UROD: variants seen among roughly 807,000 people sequenced by gnomAD.
UROD encodes the protein uroporphyrinogen III decarboxylase.
UROD carries 34 observed loss-of-function variants against 47.1 expected under a neutral mutation model. The ratio of observed to expected loss-of-function variants is 0.72; its 90% CI spans 0.55 to 0.96. UROD has a LOEUF of 0.96. Ranked by LOEUF, UROD falls within the 40% of genes least tolerant of loss-of-function variation. The pLI is 0.00. For synonymous variants in UROD, 148 were observed against 175.8 expected, an observed-to-expected ratio of 0.84 and a Z score of 1.25; for missense variants, 381 against 471.8, an observed-to-expected ratio of 0.81 and a Z score of 1.78.
Position 45,013,733 on chromosome 1 carries a change from C to A in UROD, c.416C>A (p.Thr139Asn). The A allele has an allele frequency of 6.2e-6, 10 of 1,614,144 alleles. No individual in the cohort carries two copies. The highest frequency in any genetic ancestry group is 8.5e-6 in the Non-Finnish European group (10 of 1,180,014). The change falls in exon 5 of 10, where the codon ACC becomes AAC. Residue 139 changes from threonine (T) to asparagine (N), a missense_variant. Physicochemically the swap from Thr to Asn is moderately conservative, Grantham distance 65. Coordinates refer to ENST00000246337, the MANE Select transcript of UROD (RefSeq NM_000374.5). The surrounding 1 kb of genome is among the most constrained non-coding windows in gnomAD (Gnocchi z 4.2). ...SELGYVFQAI[T>N]LTRQRLAGRV... ...CTAGGCTATGTGTTCCAAGCCATCA[C>A]CCTTACCCGACAACGACTGGCTGGA...
Position 45,013,119 on chromosome 1 carries a change from C to A in UROD, c.134-17C>A. The A allele has an allele frequency of 6.2e-7, 1 of 1,614,176 alleles. No individual in the cohort carries two copies. Among genetic ancestry groups the A allele is most frequent in the East Asian group, 2.2e-5 (1 of 44,880 alleles). Reference sequence around the variant, plus strand: ...GGAGGGCCTCAAGGCTGAGCCCTGTCTTCCCTCTGTATGCAGAGTTTAGGG... The same window carrying A: ...GGAGGGCCTCAAGGCTGAGCCCTGTATTCCCTCTGTATGCAGAGTTTAGGG... On this transcript the variant is annotated splice_polypyrimidine_tract_variant and intron_variant, in intron 2 of 9. Coordinates refer to ENST00000246337, the MANE Select transcript of UROD (RefSeq NM_000374.5). This position sits in a 1 kb window ranked among gnomAD's most constrained non-coding sequence, Gnocchi z 4.2.
Position 45,014,706 on chromosome 1 carries a change from C to G in UROD, c.775-30C>G. 1.9e-6 allele frequency: 3 copies of G among 1,613,964 alleles called. No homozygotes were observed. In the African/African-American group the frequency reaches 4.0e-5, roughly 22 times the overall value. ...AAAGATTAGTGGTTGTAGCAAGGCC[C>G]TCTGTAGCCTGAGATCTGCTTTTTT... On this transcript the variant is annotated intron_variant, in intron 7 of 9. Coordinates refer to ENST00000246337, the MANE Select transcript of UROD (RefSeq NM_000374.5).
chr1:45,015,348 G>C lies in UROD; in HGVS notation c.954G>C (p.Gly318=). 1 of 1,614,062 alleles carries C rather than the reference G, an allele frequency of 6.2e-7. No individual in the cohort carries two copies. The highest frequency in any genetic ancestry group is 2.2e-5 in the East Asian group (1 of 44,886). The change falls in exon 10 of 10, where the codon GGG becomes GGC. Residue 318 remains glycine, a synonymous_variant. Transcript: ENST00000246337. ...CALYASEEEI[G]QLVKQMLDDF... is the part of the protein sequence containing the mutation. ...TGTTGGTCCCCCAGGAGGAGATCGG[G>C]CAGTTGGTGAAGCAGATGCTGGATG...
chr1:45,014,869 A>AGGT, intron 8 of UROD, 33 bp downstream of exon 8: 1 of 1,614,038 alleles, frequency 6.2e-7, no homozygotes, highest in Non-Finnish European at 8.5e-7. Context: ...CTTGAGGTTG[A>AGGT]GGTGGGGGTG....
intron 8 of UROD, 47 bp downstream of exon 8, chr1:45,014,883 G>A (rs1430571130): frequency 3.1e-6 from 5 of 1,614,190 alleles, no homozygotes; most frequent in African/African-American, 1.3e-5. Flanking sequence ...GGGGGTGTTG[G>A]CTGGGGGAGC....
rs180970015 is a variant in UROD at position 45,013,823 on chromosome 1, C to G, written c.474+32C>G. The G allele has an allele frequency of 1.9e-6, 3 of 1,614,088 alleles. No individual in the cohort carries two copies. The East Asian group carries it at 6.7e-5, about 36-fold the overall frequency. ...TGGGACAGGGCAGGGACTCGGGGCG[C>G]GGGGAGATCACTCTGGAAGGTCTGG... On this transcript the variant is annotated intron_variant, in intron 5 of 9. Transcript: ENST00000246337. This position sits in a 1 kb window ranked among gnomAD's most constrained non-coding sequence, Gnocchi z 4.2.
Position 45,014,844 on chromosome 1 carries a change from A to G in UROD, c.875+8A>G. The G allele has an allele frequency of 6.2e-7, 1 of 1,614,218 alleles. No homozygotes were observed. Among genetic ancestry groups the G allele is most frequent in the Non-Finnish European group, 8.5e-7 (1 of 1,180,022 alleles). On this transcript the variant is annotated splice_region_variant and intron_variant, in intron 8 of 9. Coordinates refer to ENST00000246337, the MANE Select transcript of UROD (RefSeq NM_000374.5). Reference sequence around the variant, plus strand: ...GGCCCCAAAGAAAGCCCGGTAAGCCATGGAAGGGTGAGGCCTTGAGGTTGA... The same window carrying G: ...GGCCCCAAAGAAAGCCCGGTAAGCCGTGGAAGGGTGAGGCCTTGAGGTTGA...
chr1:45,013,522 C>A lies in UROD; in HGVS notation c.277-72C>A. The A allele has an allele frequency of 6.2e-7, 1 of 1,610,024 alleles. No individual in the cohort carries two copies. Among genetic ancestry groups the A allele is most frequent in the Non-Finnish European group, 8.5e-7 (1 of 1,177,222 alleles). On this transcript the variant is annotated intron_variant, in intron 4 of 9. Coordinates refer to ENST00000246337, the MANE Select transcript of UROD (RefSeq NM_000374.5). The surrounding 1 kb of genome is among the most constrained non-coding windows in gnomAD (Gnocchi z 4.2). ...AGTTTTATTCTCCTTTTCCTTCCTC[C>A]TGGAATGAGCTGAACAGAACCTTTC... is the stretch of plus-strand genomic sequence containing the variant.
chr1:45,012,312 G>C, intron 1 of UROD, 27 bp downstream of exon 1: 1 of 1,614,118 alleles, frequency 6.2e-7, no homozygotes, highest in Non-Finnish European at 8.5e-7. Context: ...ACGCGGTGTG[G>C]CTAGCCGGGC....
intron 6 of UROD, 121 bp from the exon 7 acceptor site, chr1:45,014,317 GT>G: frequency 6.6e-7 from 1 of 1,514,764 alleles, no homozygotes; most frequent in Non-Finnish European, 9.1e-7. Context: ...TAATTACTGG[GT>G]TTTTAGGGTC....
intron 8 of UROD, 21 bp downstream of exon 8, chr1:45,014,857 G>T (rs752330385): frequency 1.2e-5 from 19 of 1,614,236 alleles, no homozygotes; most frequent in Non-Finnish European, 1.1e-5. Context: ...GAAGGGTGAG[G>T]CCTTGAGGTT....
chr1:45,014,142 C>T (rs1644828907), intron 6 of UROD, 72 bp downstream of exon 6: 1 of 1,606,832 alleles, frequency 6.2e-7, no homozygotes. Context: ...TGTCCTAAAC[C>T]TGAGAGGGCA....
Position 45,013,857 on chromosome 1 carries a change from AAAGG to A in UROD, c.475-47_475-44del. 1 of 1,614,186 alleles carries A rather than the reference AAAGG, an allele frequency of 6.2e-7. No homozygotes were observed. The highest frequency in any genetic ancestry group is 2.2e-5 in the East Asian group (1 of 44,888). The stretch of plus-strand genomic sequence containing the variant: ...CACTCTGGAAGGTCTGGGGTAGACA[AAAGG>A]AAGGGTCAGTCTGGCTTCTGTGACA... On this transcript the variant is annotated intron_variant, in intron 5 of 9. Coordinates refer to ENST00000246337, the MANE Select transcript of UROD (RefSeq NM_000374.5). This position sits in a 1 kb window ranked among gnomAD's most constrained non-coding sequence, Gnocchi z 4.2.
chr1:45,012,705 G>A (rs1644811958), intron 1 of UROD: 4 of 1,064,360 alleles, frequency 3.8e-6, no homozygotes, highest in East Asian at 5.2e-5. Flanking sequence ...GGAGGGAAGA[G>A]GCCCCAGGGC....
Position 45,013,307 on chromosome 1 carries a change from C to T in UROD, c.229C>T (p.Pro77Ser). The T allele has an allele frequency of 1.2e-6, 2 of 1,614,192 alleles. No individual in the cohort carries two copies. Among genetic ancestry groups the T allele is most frequent in the South Asian group, 1.1e-5 (1 of 91,080 alleles). Reference sequence around the variant, plus strand: ...TTTCCTACAGCCACTGCGTCGCTTCCCTCTGGATGCTGCCATCATTTTCTC... The same window carrying T: ...TTTCCTACAGCCACTGCGTCGCTTCTCTCTGGATGCTGCCATCATTTTCTC... ...ELTLQPLRRFPLDAAIIFSDI... is the reference protein window; with the variant it reads ...ELTLQPLRRFSLDAAIIFSDI... The change falls in exon 4 of 10, where the codon CCT becomes TCT. Residue 77 changes from proline (P) to serine (S), a missense_variant. Physicochemically the swap from Pro to Ser is moderately conservative, Grantham distance 74. Transcript: ENST00000246337. The surrounding 1 kb of genome is among the most constrained non-coding windows in gnomAD (Gnocchi z 4.2).
Position 45,015,061 on chromosome 1 carries a change from C to T in UROD, c.942+55C>T, listed in dbSNP as rs6429553. 1,608,051 of 1,610,850 alleles carry T rather than the reference C, an allele frequency of 1. 802,675 individuals carry two copies. The highest frequency in any genetic ancestry group is 1 in the East Asian group (44,874 of 44,874). On this transcript the variant is annotated intron_variant, in intron 9 of 9. Transcript: ENST00000246337. ...TTACTGTGCACTCCTGTGGCTGTGG[C>T]TGTATTATTCTGTGTGCACTTGTTT...
chr1:45,013,124 C>T lies in UROD; in HGVS notation c.134-12C>T. ...GCCTCAAGGCTGAGCCCTGTCTTCC[C>T]TCTGTATGCAGAGTTTAGGGAAACC... is the stretch of plus-strand genomic sequence containing the variant. On this transcript the variant is annotated splice_polypyrimidine_tract_variant and intron_variant, in intron 2 of 9. Transcript: ENST00000246337. The surrounding 1 kb of genome is among the most constrained non-coding windows in gnomAD (Gnocchi z 4.2). 1 of 1,614,168 alleles carries T rather than the reference C, an allele frequency of 6.2e-7. No individual in the cohort carries two copies. Among genetic ancestry groups the T allele is most frequent in the African/African-American group, 1.3e-5 (1 of 75,042 alleles).
chr1:45,013,018 A>T lies in UROD; in HGVS notation c.132A>T (p.Pro44=), dbSNP rs1644816198. The T allele has an allele frequency of 1.2e-6, 2 of 1,613,914 alleles. No individual in the cohort carries two copies. Among genetic ancestry groups the T allele is most frequent in the Admixed American group, 1.7e-5 (1 of 59,976 alleles). Residue 44 remains proline, a splice_region_variant and synonymous_variant, in exon 2 of 10, where the codon CCA becomes CCT. Coordinates refer to ENST00000246337, the MANE Select transcript of UROD (RefSeq NM_000374.5). The surrounding 1 kb of genome is among the most constrained non-coding windows in gnomAD (Gnocchi z 4.2). ...TGCGCCAGGCAGGCCGTTACTTACC[A>T]GGTAAGAGTCAGGGTCTGGAAATCT... The part of the protein sequence containing the change: ...WCMRQAGRYL[P]EFRETRAAQD...
Position 45,013,475 on chromosome 1 carries a change from T to G in UROD, c.277-119T>G, listed in dbSNP as rs576863072. 6 of 1,604,244 alleles carry G rather than the reference T, an allele frequency of 3.7e-6. No homozygotes were observed. The South Asian group carries it at 6.6e-5, about 18-fold the overall frequency. On this transcript the variant is annotated intron_variant, in intron 4 of 9. Transcript: ENST00000246337. This position sits in a 1 kb window ranked among gnomAD's most constrained non-coding sequence, Gnocchi z 4.2. Reference sequence around the variant, plus strand: ...ACTGGATCGAGGGAAAAACTAAGGTTGAAAGAAATGGAGTTTGGCAGAGTT... The same window carrying G: ...ACTGGATCGAGGGAAAAACTAAGGTGGAAAGAAATGGAGTTTGGCAGAGTT...
Sources: allele counts gnomAD v4.1 joint callset, GRCh38; gene constraint gnomAD v4.1.1; non-coding constraint Gnocchi (gnomAD v3.1); transcripts MANE v1.5; gene names NCBI Gene and HGNC (gene_info 2026-07-23, HGNC 2026-07-21).